Variants in MAP2K4 observed in about 807,000 individuals in gnomAD.
MAP2K4 encodes mitogen-activated protein kinase kinase 4, also known as dual specificity mitogen-activated protein kinase kinase 4.
In MAP2K4, 4 loss-of-function variants were observed where a neutral mutation model predicts 48.5. The ratio of observed to expected loss-of-function variants is 0.08; its 90% CI spans 0.04 to 0.19. The LOEUF (loss-of-function observed/expected upper bound fraction) is 0.19. Ranked by LOEUF, MAP2K4 falls within the 10% of genes least tolerant of loss-of-function variation. The pLI, the probability that MAP2K4 is intolerant of heterozygous loss-of-function variation, is 1.00. For missense variants in MAP2K4, 258 were observed against 493.3 expected (o/e 0.52, Z 4.52); for synonymous variants, 166 against 173.1 (o/e 0.96, Z 0.32).
At chr17:12,069,396 T>A (rs1313253340) in intron 2 of MAP2K4, among the ~76,000 whole-genome samples, 1 of 152,086 alleles carries the variant, frequency 6.6e-6, no homozygotes, top group Non-Finnish European at 1.5e-5. Flanking sequence ...CAGGATCAGC[T>A]CTTAGGAAAC....
At chr17:12,078,467 G>A (rs955664072) in intron 2 of MAP2K4, among the ~76,000 whole-genome samples, 7 of 152,146 alleles carry the variant, frequency 4.6e-5, no homozygotes, top group African/African-American at 9.7e-5. Flanking sequence ...TAATCACATC[G>A]TGGGAAATTG....
chr17:12,112,734 G>A (rs547374073), intron 6 of MAP2K4, among the ~76,000 whole-genome samples: 1 of 152,272 alleles, frequency 6.6e-6, no homozygotes, highest in East Asian at 1.9e-4. Context: ...CAATGAGAAA[G>A]GGATTTGACA....
At chr17:12,088,874 G>A (rs1043855507) in intron 3 of MAP2K4, among the ~76,000 whole-genome samples, 13 of 150,270 alleles carry the variant, frequency 8.7e-5, no homozygotes, top group Admixed American at 1.3e-4. Context: ...AATTGGACAG[G>A]ACAATTGGCA....
chr17:12,048,954 A>G (rs1449760056), intron 1 of MAP2K4, among the ~76,000 whole-genome samples: 6 of 152,056 alleles, frequency 3.9e-5, no homozygotes, highest in African/African-American at 1.4e-4. Context: ...ACCGTGCCTG[A>G]CCTAACATCT....
chr17:12,101,549 A>C (rs1461311184), intron 4 of MAP2K4, among the ~76,000 whole-genome samples: 1 of 152,268 alleles, frequency 6.6e-6, no homozygotes, highest in Non-Finnish European at 1.5e-5. Context: ...CCCGAAAAAA[A>C]CCAACAACAA....
chr17:12,102,076 T>C (rs143669270), intron 4 of MAP2K4, among the ~76,000 whole-genome samples: 46 of 152,246 alleles, frequency 3.0e-4, no homozygotes, highest in African/African-American at 1.0e-3. Context: ...TCCTTGTTTT[T>C]TTTCCTGATC....
At chr17:12,023,500 G>A (rs536802548) in intron 1 of MAP2K4, among the ~76,000 whole-genome samples, 1 of 152,168 alleles carries the variant, frequency 6.6e-6, no homozygotes, top group South Asian at 2.1e-4. Context: ...AATTATACTT[G>A]CCACTCAAAA....
intron 9 of MAP2K4, among the ~76,000 whole-genome samples, chr17:12,132,077 A>C (rs931502839): frequency 1.3e-5 from 2 of 152,206 alleles, no homozygotes; most frequent in African/African-American, 4.8e-5. Context: ...TAAAATACTG[A>C]CAGTACCAAA....
At chr17:12,072,223 T>C (rs1226173673) in intron 2 of MAP2K4, among the ~76,000 whole-genome samples, 2 of 152,234 alleles carry the variant, frequency 1.3e-5, no homozygotes, top group South Asian at 2.1e-4. Flanking sequence ...TAGCCTAATA[T>C]ACTTTTTTGA....
intron 1 of MAP2K4, among the ~76,000 whole-genome samples, chr17:12,025,589 C>T (rs181026614): frequency 1.3e-5 from 2 of 152,206 alleles, no homozygotes; most frequent in Admixed American, 6.5e-5. Context: ...GTTGTAGGTG[C>T]CTCTGATTCT....
chr17:12,084,539 C>G (rs888238127), intron 3 of MAP2K4, among the ~76,000 whole-genome samples: 1 of 152,194 alleles, frequency 6.6e-6, no homozygotes, highest in South Asian at 2.1e-4. Context: ...GGATTTACTT[C>G]TAACTGTGAT....
At chr17:12,116,140 A>T (rs1972485699) in intron 7 of MAP2K4, among the ~76,000 whole-genome samples, 1 of 152,174 alleles carries the variant, frequency 6.6e-6, no homozygotes, top group Non-Finnish European at 1.5e-5. Flanking sequence ...TAAAATCTGA[A>T]ATCTGCTGGT....
chr17:12,073,388 G>A (rs1232864884), intron 2 of MAP2K4, among the ~76,000 whole-genome samples: 1 of 152,152 alleles, frequency 6.6e-6, no homozygotes, highest in Non-Finnish European at 1.5e-5. Context: ...ACTTAGGATT[G>A]TATTTTTATA....
chr17:12,020,939 GC>G lies in MAP2K4; in HGVS notation c.54del (p.Ser18ArgfsTer7). The G allele has an allele frequency of 8.2e-7, 1 of 1,216,492 alleles. No individual in the cohort carries two copies. Among genetic ancestry groups the G allele is most frequent in the Non-Finnish European group, 1.0e-6 (1 of 978,314 alleles). 75.4% of individuals were successfully genotyped at this position (1,216,492 alleles called of 1,614,324 possible). On this transcript the variant is annotated frameshift_variant, in exon 1 of 11. Coordinates refer to ENST00000353533, the MANE Select transcript of MAP2K4 (RefSeq NM_003010.4). LOFTEE classifies it high-confidence loss of function. ...GGCGGCTCCGGGGGCGGCAGCGGCAGCGGCACCCCCGGCCCCGTAGGGTCCC... is the reference window on the plus strand; with the variant it reads ...GGCGGCTCCGGGGGCGGCAGCGGCAGGGCACCCCCGGCCCCGTAGGGTCCC... ...GGGGSGGGSG[S>X]GTPGPVGSPA...
chr17:12,023,643 A>C (rs1351999676), intron 1 of MAP2K4, among the ~76,000 whole-genome samples: 2 of 152,186 alleles, frequency 1.3e-5, no homozygotes, highest in Non-Finnish European at 2.9e-5. Context: ...TGGGCACTGG[A>C]TAACCTTGAA....
chr17:12,139,916 A>G (rs1012637974), intron 10 of MAP2K4, 32 bp downstream of exon 10: 1 of 1,532,494 alleles, frequency 6.5e-7, no homozygotes, highest in East Asian at 2.3e-5. Context: ...TTGTAGGTAC[A>G]TCCTAACCCC....
intron 1 of MAP2K4, among the ~76,000 whole-genome samples, chr17:12,034,854 G>C (rs1157832601): frequency 6.6e-6 from 1 of 152,114 alleles, no homozygotes; most frequent in Non-Finnish European, 1.5e-5. Context: ...TTCTTGATTG[G>C]ACACTGTGTC....
chr17:12,073,515 A>G (rs1970886919), intron 2 of MAP2K4, among the ~76,000 whole-genome samples: 1 of 152,198 alleles, frequency 6.6e-6, no homozygotes, highest in Non-Finnish European at 1.5e-5. Flanking sequence ...AGATATCTCA[A>G]ATCTGCCTTT....
chr17:12,099,329 A>T (rs1971860305), intron 4 of MAP2K4, among the ~76,000 whole-genome samples: 1 of 152,038 alleles, frequency 6.6e-6, no homozygotes, highest in Non-Finnish European at 1.5e-5. Flanking sequence ...CTTTGCTATT[A>T]TACATAGTGC....
Sources: allele counts gnomAD v4.1 joint callset (sites outside exome capture counted in the v4.1 genomes callset), GRCh38; gene constraint gnomAD v4.1.1; transcripts MANE v1.5; gene names NCBI Gene and HGNC (gene_info 2026-07-23, HGNC 2026-07-21).